CLASRP: variants seen among roughly 807,000 people sequenced by gnomAD.
CLASRP encodes CLK4-associating serine/arginine rich protein.
In CLASRP, 52 loss-of-function variants were observed where a neutral mutation model predicts 99.9. The ratio of observed to expected loss-of-function variants is 0.52; its 90% CI spans 0.42 to 0.66. The LOEUF (loss-of-function observed/expected upper bound fraction) is 0.66. Among genes scored for constraint, CLASRP ranks in the 30% least tolerant of loss-of-function variants. The probability of loss-of-function intolerance (pLI) is 0.00; values close to 1 mark genes in which losing one functional copy is unlikely to be tolerated. For missense variants in CLASRP, 848 were observed against 999.2 expected (o/e 0.85, Z 2.04); for synonymous variants, 379 against 373.0 (o/e 1.02, Z -0.18).
At chr19:45,053,045 G>GT (rs1393314779) in intron 4 of CLASRP, 53 bp from the exon 5 acceptor site, 1 of 1,580,454 alleles carries the variant, frequency 6.3e-7, no homozygotes, top group Non-Finnish European at 8.7e-7. Context: ...CTGCTGGCTT[G>GT]GGGGGGGATC....
intron 7 of CLASRP, chr19:45,058,348 C>T (rs1972161813): frequency 6.2e-6 from 1 of 160,294 alleles, no homozygotes; most frequent in South Asian, 1.8e-4. Context: ...CTGTTTTTCT[C>T]ATCCTGGTTC....
chr19:45,060,459 A>T lies in CLASRP; in HGVS notation c.781A>T (p.Met261Leu). 3 of 1,614,114 alleles carry T rather than the reference A, an allele frequency of 1.9e-6. No individual in the cohort carries two copies. Among genetic ancestry groups the T allele is most frequent in the Non-Finnish European group, 2.5e-6 (3 of 1,179,998 alleles). ...HAKALEEEKA[M>L]YSGRRSRRQR... ...CAAGGCTCTTGAGGAGGAGAAGGCC[A>T]TGTACTCGGTGAGGTCTGGGCTGGA... Residue 261 changes from methionine (M) to leucine (L), a missense_variant, in exon 9 of 21, where the codon ATG becomes TTG. Met to Leu is a conservative substitution (Grantham distance 15). This residue lies in a region of CLASRP where 119 missense variants were observed against 170.2 expected (regional missense o/e 0.70). Transcript: ENST00000221455. This position sits in a 1 kb window ranked among gnomAD's most constrained non-coding sequence, Gnocchi z 4.6.
chr19:45,060,258 A>G lies in CLASRP; in HGVS notation c.711-131A>G. On this transcript the variant is annotated intron_variant, in intron 8 of 20. Transcript: ENST00000221455. The surrounding 1 kb of genome is among the most constrained non-coding windows in gnomAD (Gnocchi z 4.6). ...ACACAGAGGGTGCTTGATAAGTGGC[A>G]TTGAATGAAAGATACCTCAGGCTGG... 1 of 736,066 alleles carries G rather than the reference A, an allele frequency of 1.4e-6. No homozygotes were observed. The highest frequency in any genetic ancestry group is 2.4e-6 in the Non-Finnish European group (1 of 415,830). The allele number at this position is 736,066 out of a possible 1,614,324, so 45.6% of individuals were successfully genotyped here.
At chr19:45,066,644 AAAAAG>A (rs1967094013) in intron 13 of CLASRP, among the ~76,000 whole-genome samples, 1 of 150,530 alleles carries the variant, frequency 6.6e-6, no homozygotes, top group Non-Finnish European at 1.5e-5. Context: ...AAAAAAAAAA[AAAAAG>A]AGCCCAAGCA....
chr19:45,053,108 C>A lies in CLASRP; in HGVS notation c.310C>A (p.Gln104Lys). 1.9e-6 allele frequency: 3 copies of A among 1,613,996 alleles called. No individual in the cohort carries two copies. In the South Asian group the frequency reaches 3.3e-5, roughly 18 times the overall value. The stretch of plus-strand genomic sequence containing the variant: ...CGCCCTTCCCTAAAGCTCCCCAGAA[C>A]AGGAGTCGGACGAACGGAAGTGTAA... ...PPLLTTISPE[Q>K]ESDERKCNYE... Residue 104 changes from glutamine to lysine, a missense_variant, in exon 5 of 21, where the codon CAG becomes AAG. By Grantham distance (53) the Gln-to-Lys change is moderately conservative. Coordinates refer to ENST00000221455, the MANE Select transcript of CLASRP (RefSeq NM_007056.3).
Position 45,056,332 on chromosome 19 carries a change from C to A in CLASRP, c.380-118C>A. The A allele has an allele frequency of 7.7e-6, 6 of 783,920 alleles. No individual in the cohort carries two copies. In the South Asian group the frequency reaches 9.1e-5, roughly 12 times the overall value. 48.6% of individuals were successfully genotyped at this position (783,920 alleles called of 1,614,324 possible). On this transcript the variant is annotated intron_variant, in intron 5 of 20. Transcript: ENST00000221455. ...TTTGATTATCTGGAAGTGGTGACTG[C>A]CCCCCAAGGTGCACTGGGGTTGCAC...
At chr19:45,044,838 T>C (rs1324665108) in intron 2 of CLASRP, among the ~76,000 whole-genome samples, 1 of 152,130 alleles carries the variant, frequency 6.6e-6, no homozygotes, top group Non-Finnish European at 1.5e-5. Flanking sequence ...GTCCTTAGAA[T>C]TTGGGAGTCA....
chr19:45,070,862 TG>T lies in CLASRP; in HGVS notation c.*21del. On this transcript the variant is annotated 3_prime_UTR_variant, in exon 21 of 21. Transcript: ENST00000221455. ...CGACATTAGGCAGAAGAGTGGGGGG[TG>T]GGGAGGACAAGGGGGTGGGTAAGGG... 2.0e-6 allele frequency: 2 copies of T among 1,006,456 alleles called. No individual in the cohort carries two copies. Among genetic ancestry groups the T allele is most frequent in the Non-Finnish European group, 2.9e-6 (2 of 697,610 alleles). 62.3% of individuals were successfully genotyped at this position (1,006,456 alleles called of 1,614,324 possible). A position where few individuals can be genotyped will look rare whatever the true frequency, so the allele number is the denominator to read the frequency against.
At chr19:45,053,002 C>A in intron 4 of CLASRP, 96 bp from the exon 5 acceptor site, 1 of 1,544,192 alleles carries the variant, frequency 6.5e-7, no homozygotes, top group Non-Finnish European at 8.9e-7. Flanking sequence ...TTGGTACCGC[C>A]CTGAGCCTGA....
chr19:45,063,217 G>C (rs1966981100), intron 11 of CLASRP, among the ~76,000 whole-genome samples: 1 of 151,022 alleles, frequency 6.6e-6, no homozygotes, highest in African/African-American at 2.4e-5. Context: ...ATGTTGACCA[G>C]GCTGGTTTTG....
chr19:45,056,850 CT>C (rs891540319), intron 6 of CLASRP, among the ~76,000 whole-genome samples: 13 of 152,142 alleles, frequency 8.5e-5, no homozygotes, highest in African/African-American at 3.1e-4. Context: ...CTGTGCTTCC[CT>C]GTAAAATGGG....
rs959144453 is a variant in CLASRP at position 45,064,618 on chromosome 19, G to A, written c.1397G>A (p.Arg466Gln). 2.0e-5 allele frequency: 31 copies of A among 1,551,658 alleles called. No homozygotes were observed. Among genetic ancestry groups the A allele is most frequent in the Non-Finnish European group, 2.6e-5 (30 of 1,154,840 alleles). ...GCCCGGCGTGGTGGTTACGGGCCCC[G>A]GCGCAGAAGCAGGTGTGTGTGGCTG... is the stretch of plus-strand genomic sequence containing the variant. ...SPARRGGYGPRRRSRSRSHSG... is the reference protein window; with the variant it reads ...SPARRGGYGPQRRSRSRSHSG... Residue 466 changes from arginine to glutamine, a missense_variant, in exon 13 of 21, where the codon CGG becomes CAG. Around this residue, in one of 8 missense-constraint regions of CLASRP, gnomAD observed 489 missense variants for 434.7 expected, o/e 1.12. Coordinates refer to ENST00000221455, the MANE Select transcript of CLASRP (RefSeq NM_007056.3).
chr19:45,068,235 C>A, intron 15 of CLASRP, 181 bp downstream of exon 15: 1 of 669,018 alleles, frequency 1.5e-6, no homozygotes, highest in Non-Finnish European at 2.7e-6. Flanking sequence ...TCACTGTACA[C>A]TGGGGCTCCA....
chr19:45,055,217 T>C (rs1013032696), intron 5 of CLASRP, among the ~76,000 whole-genome samples: 6 of 152,214 alleles, frequency 3.9e-5, no homozygotes, highest in Non-Finnish European at 7.3e-5. Flanking sequence ...TGACAGACAG[T>C]GTGCCATTCT....
intron 2 of CLASRP, among the ~76,000 whole-genome samples, chr19:45,042,103 G>A (rs1338800403): frequency 2.0e-5 from 3 of 152,126 alleles, no homozygotes; most frequent in African/African-American, 7.2e-5. Flanking sequence ...AGCATTTTGG[G>A]GGCCAAGGCA....
chr19:45,046,951 C>T (rs377320472), intron 2 of CLASRP, among the ~76,000 whole-genome samples: 56 of 152,126 alleles, frequency 3.7e-4, no homozygotes, highest in African/African-American at 1.3e-3. Flanking sequence ...CGCTTGAACC[C>T]GGGAGGCAGA....
rs1011940639 is a variant in CLASRP, at chr19:45,070,528, T to C, written c.1958-9T>C. ...TTTGCTCGCTCTTCACCTGTTGTTT[T>C]CTTTCCAGGTCGAGAATACAGCTCT... On this transcript the variant is annotated splice_polypyrimidine_tract_variant and intron_variant, in intron 19 of 20. Transcript: ENST00000221455. 2 of 1,613,936 alleles carry C rather than the reference T, an allele frequency of 1.2e-6. No homozygotes were observed. The highest frequency in any genetic ancestry group is 1.7e-5 in the Admixed American group (1 of 60,022).
At chr19:45,059,489 CT>C in intron 8 of CLASRP, 125 bp downstream of exon 8, 1 of 784,670 alleles carries the variant, frequency 1.3e-6, no homozygotes, top group Non-Finnish European at 2.1e-6. Context: ...GGGCCCAGGA[CT>C]TTACACATGC....
At chr19:45,070,752 T>C (rs1218812151) in intron 20 of CLASRP, 51 bp from the exon 21 acceptor site, 2 of 1,499,252 alleles carry the variant, frequency 1.3e-6, no homozygotes, top group Non-Finnish European at 1.9e-6. Flanking sequence ...GCCCCAGGTG[T>C]GTTGATGTGT....
Sources: gnomAD v4.1 joint callset for allele counts (sites outside exome capture counted in the v4.1 genomes callset) on GRCh38, gnomAD v4.1.1 for gene constraint, gnomAD v4.1.1 regional missense constraint, Gnocchi (gnomAD v3.1) non-coding constraint, MANE v1.5 for transcripts, NCBI Gene and HGNC (gene_info 2026-07-23, HGNC 2026-07-21) for gene names.